Variants in ABCC1 observed in about 807,000 individuals in gnomAD.
ABCC1 encodes the protein ATP binding cassette subfamily C member 1 (ABCC1 blood group), also known as multidrug resistance-associated protein 1.
Under a neutral mutation model 172.9 loss-of-function variants are expected in ABCC1, and 83 were observed. The ratio of observed to expected loss-of-function variants is 0.48; its 90% CI spans 0.40 to 0.58. ABCC1 has a LOEUF of 0.58. Among genes scored for constraint, ABCC1 ranks in the 20% least tolerant of loss-of-function variants. The probability of loss-of-function intolerance (pLI) is 0.00; values close to 1 mark genes in which losing one functional copy is unlikely to be tolerated. For synonymous variants in ABCC1, 937 were observed against 825.2 expected (o/e 1.14, Z -2.32); for missense variants, 1,817 against 2,002.7 (o/e 0.91, Z 1.77).
intron 1 of ABCC1, among the ~76,000 whole-genome samples, chr16:15,990,583 T>C (rs2046837138): frequency 6.6e-6 from 1 of 152,202 alleles, no homozygotes; most frequent in South Asian, 2.1e-4. Flanking sequence ...TTCGTCTTCC[T>C]GTGCCTGGCT....
intron 14 of ABCC1, among the ~76,000 whole-genome samples, chr16:16,072,670 A>G (rs2050397316): frequency 6.6e-6 from 1 of 151,688 alleles, no homozygotes; most frequent in South Asian, 2.1e-4. Flanking sequence ...TTTGTTTTGT[A>G]GCTTGTTAAT....
chr16:16,141,284 C>G lies in ABCC1; in HGVS notation c.*3C>G, dbSNP rs373453875. 37 of 1,613,658 alleles carry G rather than the reference C, an allele frequency of 2.3e-5. No individual in the cohort carries two copies. The highest frequency in any genetic ancestry group is 3.1e-5 in the Non-Finnish European group (36 of 1,179,928). On this transcript the variant is annotated 3_prime_UTR_variant, in exon 31 of 31. Transcript: ENST00000399410. ...CCAAAGACGCCGGCTTGGTGTGAGC[C>G]CCAGAGCTGGCATATCTGGTCAGAA...
chr16:16,042,137 T>C (rs950738321), intron 7 of ABCC1, among the ~76,000 whole-genome samples: 1 of 151,704 alleles, frequency 6.6e-6, no homozygotes, highest in Non-Finnish European at 1.5e-5. Flanking sequence ...CTGGCATGAA[T>C]GTGAAATGCT....
At chr16:16,008,018 G>C (rs8187843) in intron 2 of ABCC1, 26 bp downstream of exon 2, 22 of 577,684 alleles carry the variant, frequency 3.8e-5, no homozygotes, top group Middle Eastern at 3.1e-4. Flanking sequence ...GTTTCGTTGT[G>C]GGGGGTGGGA....
chr16:16,073,334 C>G (rs1043614827), intron 14 of ABCC1, among the ~76,000 whole-genome samples: 1 of 152,210 alleles, frequency 6.6e-6, no homozygotes, highest in Non-Finnish European at 1.5e-5. Context: ...AGGGTGTTGC[C>G]TCACTGAGAT....
intron 7 of ABCC1, among the ~76,000 whole-genome samples, chr16:16,040,076 ATG>A (rs2151859797): frequency 6.9e-6 from 1 of 145,420 alleles, no homozygotes. Context: ...GTATGTATGT[ATG>A]TATGTATGTA....
chr16:16,087,647 C>T (rs953958526), intron 18 of ABCC1, among the ~76,000 whole-genome samples: 4 of 151,622 alleles, frequency 2.6e-5, no homozygotes, highest in Non-Finnish European at 5.9e-5. Context: ...TTAGTAGAAT[C>T]GAGGTTTCAC....
chr16:15,963,094 T>C (rs2046171756), intron 1 of ABCC1, among the ~76,000 whole-genome samples: 1 of 152,210 alleles, frequency 6.6e-6, no homozygotes, highest in African/African-American at 2.4e-5. Flanking sequence ...ATGGGAGAAA[T>C]TGGCCAAAAC....
intron 1 of ABCC1, among the ~76,000 whole-genome samples, chr16:15,985,113 CAG>C (rs1420839833): frequency 6.6e-6 from 1 of 152,108 alleles, no homozygotes; most frequent in Non-Finnish European, 1.5e-5. Context: ...AAAGCAAAAA[CAG>C]AGTCATATAT....
chr16:15,954,853 T>C (rs1368962043), intron 1 of ABCC1, among the ~76,000 whole-genome samples: 6 of 152,222 alleles, frequency 3.9e-5, no homozygotes, highest in Admixed American at 6.5e-5. Flanking sequence ...GATCTCTCTA[T>C]GTGGGTGTCT....
At chr16:15,986,479 C>T (rs758646666) in intron 1 of ABCC1, among the ~76,000 whole-genome samples, 2 of 152,198 alleles carry the variant, frequency 1.3e-5, no homozygotes, top group Non-Finnish European at 2.9e-5. Flanking sequence ...ATTGGATTCT[C>T]ACAGGAGCGT....
chr16:15,959,316 CTTTTTCTTTTTCTTTCT>C (rs1176129850), intron 1 of ABCC1, among the ~76,000 whole-genome samples: 1 of 152,072 alleles, frequency 6.6e-6, no homozygotes, highest in Non-Finnish European at 1.5e-5. Flanking sequence ...AAATGGCTTT[CTTTTTCTTTTTCTTTCT>C]TTTTTCTTTT....
intron 26 of ABCC1, among the ~76,000 whole-genome samples, chr16:16,127,275 A>G (rs1338170563): frequency 6.6e-6 from 1 of 152,144 alleles, no homozygotes; most frequent in Admixed American, 6.5e-5. Flanking sequence ...GTTGGAGTGT[A>G]GTGCGATCTC....
intron 6 of ABCC1, among the ~76,000 whole-genome samples, chr16:16,036,079 G>A (rs915375478): frequency 1.3e-5 from 2 of 151,968 alleles, no homozygotes; most frequent in African/African-American, 2.4e-5. Flanking sequence ...AGCTGCGATC[G>A]CACCACTGTA....
At chr16:16,074,555 G>C (rs562787901) in intron 14 of ABCC1, among the ~76,000 whole-genome samples, 1 of 152,278 alleles carries the variant, frequency 6.6e-6, no homozygotes, top group African/African-American at 2.4e-5. Flanking sequence ...CCGCACCCCA[G>C]CCCCTCCTTC....
At chr16:16,049,084 G>C (rs553872474) in intron 10 of ABCC1, among the ~76,000 whole-genome samples, 1 of 152,226 alleles carries the variant, frequency 6.6e-6, no homozygotes, top group South Asian at 2.1e-4. Flanking sequence ...TGATCCAGGA[G>C]ATCAAGCAAT....
At chr16:16,060,796 A>G (rs1349339638) in intron 12 of ABCC1, among the ~76,000 whole-genome samples, 2 of 151,804 alleles carry the variant, frequency 1.3e-5, no homozygotes, top group African/African-American at 4.8e-5. Flanking sequence ...TGCTGGGATT[A>G]CAAGCGTGAG....
At chr16:16,075,131 G>C (rs2050506346) in intron 14 of ABCC1, among the ~76,000 whole-genome samples, 1 of 151,778 alleles carries the variant, frequency 6.6e-6, no homozygotes, top group Admixed American at 6.6e-5. Context: ...TTTTAGTAGA[G>C]ATGGGGTTTC....
intron 20 of ABCC1, 153 bp from the exon 21 acceptor site, chr16:16,106,585 C>T (rs2052121692): frequency 1.2e-6 from 1 of 818,782 alleles, no homozygotes; most frequent in Non-Finnish European, 1.9e-6. Flanking sequence ...GGGTGTGGTG[C>T]ATATATTCAT....
Sources: allele counts gnomAD v4.1 joint callset (sites outside exome capture counted in the v4.1 genomes callset), GRCh38; gene constraint gnomAD v4.1.1; transcripts MANE v1.5; gene names NCBI Gene and HGNC (gene_info 2026-07-23, HGNC 2026-07-21).